The following CPZ variants were observed in gnomAD, a reference collection of about 807,000 sequenced individuals.
The protein encoded by CPZ is VEZT/CPZ fusion.
Under a neutral mutation model 61.8 loss-of-function variants are expected in CPZ, and 103 were observed. The ratio of observed to expected loss-of-function variants is 1.67; its 90% CI spans 1.42 to 1.96. The LOEUF (loss-of-function observed/expected upper bound fraction) is 1.96, where lower values mean the gene tolerates loss of function less well. CPZ is among the 30% of genes most tolerant of loss of function. The pLI is 0.00. For missense variants in CPZ, 1,461 were observed against 914.9 expected, an observed-to-expected ratio of 1.60 and a Z score of -7.70; for synonymous variants, 551 against 373.7, an observed-to-expected ratio of 1.47 and a Z score of -5.47.
At chr4:8,614,919 G>A (rs1229038729) in intron 9 of CPZ, among the ~76,000 whole-genome samples, 1 of 151,952 alleles carries the variant, frequency 6.6e-6, no homozygotes, top group African/African-American at 2.4e-5. Context: ...TCCCAGCAGA[G>A]GGGAGCATGC....
rs759353787 is a variant in CPZ at position 8,614,415 on chromosome 4, G to C, written c.1420G>C (p.Gly474Arg). 6.2e-7 allele frequency: 1 copy of C among 1,614,034 alleles called. No homozygotes were observed. The highest frequency in any genetic ancestry group is 1.1e-5 in the South Asian group (1 of 91,078). ...CTGCTTTGAGATCACGGTAGAGCTG[G>C]GCTGTGTGAAGTTCCCCCCCGAGGA... is the stretch of plus-strand genomic sequence containing the variant. ...TNCFEITVELGCVKFPPEEAL... is the reference protein window; with the variant it reads ...TNCFEITVELRCVKFPPEEAL... Residue 474 changes from glycine to arginine, a missense_variant, in exon 9 of 11, where the codon GGC becomes CGC. Physicochemically the swap from Gly to Arg is moderately radical, Grantham distance 125 (BLOSUM62 -2). Coordinates refer to ENST00000360986, the MANE Select transcript of CPZ (RefSeq NM_001014447.3).
intron 1 of CPZ, among the ~76,000 whole-genome samples, chr4:8,598,111 C>T (rs933136199): frequency 6.6e-6 from 1 of 152,234 alleles, no homozygotes; most frequent in African/African-American, 2.4e-5. Flanking sequence ...GTGTGGACCT[C>T]TTTTGTCATC....
chr4:8,605,634 T>TCCATTCACCC (rs1553876826), intron 4 of CPZ, among the ~76,000 whole-genome samples: 9 of 148,570 alleles, frequency 6.1e-5, no homozygotes, highest in African/African-American at 2.1e-4. Context: ...ATCATTGATA[T>TCCATTCACCC]ATCCATTCAT....
At position 8,601,390 on chromosome 4, in the gene CPZ, A is replaced by G. The variant is rs35993494; in HGVS notation, c.389A>G (p.Gln130Arg). 7.5e-6 allele frequency: 12 copies of G among 1,594,740 alleles called. No homozygotes were observed. The highest frequency in any genetic ancestry group is 1.0e-5 in the Non-Finnish European group (12 of 1,168,776). ...TGCGAGGGCCTGCGGGAGGTCTGCC[A>G]GCCCGCCTTCGACGCCATTGACATG... ...HICEGLREVCQPAFDAIDMAW... is the reference protein window; with the variant it reads ...HICEGLREVCRPAFDAIDMAW... Residue 130 changes from glutamine (Q) to arginine (R), a missense_variant, in exon 3 of 11, where the codon CAG becomes CGG. Gln to Arg is a conservative substitution (Grantham distance 43). Coordinates refer to ENST00000360986, the MANE Select transcript of CPZ (RefSeq NM_001014447.3).
chr4:8,609,091 TTCAC>T (rs796502472), intron 7 of CPZ, among the ~76,000 whole-genome samples: 8,021 of 39,180 alleles, frequency 0.2, 297 homozygotes, highest in South Asian at 0.41. Context: ...CATTCACCCA[TTCAC>T]TCACTCACTC....
At chr4:8,611,983 C>A (rs1715737709) in intron 7 of CPZ, 44 bp from the exon 8 acceptor site, 2 of 1,612,984 alleles carry the variant, frequency 1.2e-6, no homozygotes, top group Non-Finnish European at 1.7e-6. Context: ...ACAGGACGTC[C>A]TGCAGGGGAC....
At chr4:8,607,039 T>C (rs1416353300) in intron 6 of CPZ, 141 bp downstream of exon 6, 3 of 1,112,252 alleles carry the variant, frequency 2.7e-6, no homozygotes, top group African/African-American at 1.6e-5. Flanking sequence ...GTCTGTGAAA[T>C]GGGAACACCT....
chr4:8,612,234 G>A (rs13120023), intron 8 of CPZ, 72 bp downstream of exon 8: 221,775 of 271,994 alleles, frequency 0.82, 97,720 homozygotes, highest in East Asian at 0.96. Flanking sequence ...GGGGCAAGGC[G>A]TAACTCCACG....
At chr4:8,599,798 A>G (rs533760523) in intron 2 of CPZ, 50 of 417,692 alleles carry the variant, frequency 1.2e-4, no homozygotes, top group African/African-American at 7.3e-4. Flanking sequence ...GTCCACATGC[A>G]TTTCATGGTC....
chr4:8,600,671 C>T (rs1436936302), intron 2 of CPZ, among the ~76,000 whole-genome samples: 1 of 152,252 alleles, frequency 6.6e-6, no homozygotes, highest in Admixed American at 6.5e-5. Context: ...ATCCACTTCT[C>T]ATCCAAGTCC....
At chr4:8,596,784 G>C (rs1409031288) in intron 1 of CPZ, among the ~76,000 whole-genome samples, 1 of 152,232 alleles carries the variant, frequency 6.6e-6, no homozygotes, top group Non-Finnish European at 1.5e-5. Flanking sequence ...CGCCTGTCCA[G>C]TCCCTGTGTG....
At chr4:8,610,069 C>T (rs1715522879) in intron 7 of CPZ, among the ~76,000 whole-genome samples, 1 of 152,210 alleles carries the variant, frequency 6.6e-6, no homozygotes, top group Non-Finnish European at 1.5e-5. Flanking sequence ...CCCTTTCTGG[C>T]TTTGCCAACG....
intron 7 of CPZ, among the ~76,000 whole-genome samples, chr4:8,609,784 C>T (rs1285810082): frequency 6.6e-6 from 1 of 152,206 alleles, no homozygotes; most frequent in Non-Finnish European, 1.5e-5. Context: ...TCCAAGCCAT[C>T]AATCATCGGG....
intron 9 of CPZ, 140 bp downstream of exon 9, chr4:8,614,638 A>G: frequency 1.2e-6 from 1 of 863,966 alleles, no homozygotes; most frequent in Non-Finnish European, 1.7e-6. Context: ...TTTGGGGTTA[A>G]CTGTCCACCA....
At chr4:8,594,568 A>G (rs535894892) in intron 1 of CPZ, among the ~76,000 whole-genome samples, 1 of 152,216 alleles carries the variant, frequency 6.6e-6, no homozygotes, top group East Asian at 1.9e-4. Flanking sequence ...TCAGTTGAGG[A>G]GGGGGAGGAC....
In CPZ at chr4:8,619,698, C is replaced by T. The variant is rs532967239; in HGVS notation, c.*81C>T. The stretch of plus-strand genomic sequence containing the variant: ...GGCTCCTGGCTCTTGATTTTGTCTG[C>T]CACAGACATCCCACAAAGCCGCTGC... On this transcript the variant is annotated 3_prime_UTR_variant, in exon 11 of 11. Coordinates refer to ENST00000360986, the MANE Select transcript of CPZ (RefSeq NM_001014447.3). The T allele has an allele frequency of 4.7e-6, 5 of 1,057,756 alleles. No homozygotes were observed. Among genetic ancestry groups the T allele is most frequent in the East Asian group, 2.8e-5 (1 of 35,872 alleles). The allele number at this position is 1,057,756 out of a possible 1,614,324, so 65.5% of individuals were successfully genotyped here. A position where few individuals can be genotyped will look rare whatever the true frequency, so the allele number is the denominator to read the frequency against.
At chr4:8,594,777 T>C (rs1714055944) in intron 1 of CPZ, among the ~76,000 whole-genome samples, 1 of 142 alleles carries the variant, frequency 7.0e-3, no homozygotes, top group Non-Finnish European at 0.042. Flanking sequence ...AACAAATTCT[T>C]TTTTTTTTTT....
At chr4:8,614,733 T>G (rs1437917077) in intron 9 of CPZ, among the ~76,000 whole-genome samples, 3 of 152,104 alleles carry the variant, frequency 2.0e-5, no homozygotes, top group African/African-American at 7.2e-5. Flanking sequence ...GGAGTCCCTG[T>G]GAGCAAGGAT....
chr4:8,609,118 C>CTCACCACTCATACATTCACCCATTCA (rs879349279), intron 7 of CPZ, among the ~76,000 whole-genome samples: 1 of 77,390 alleles, frequency 1.3e-5, no homozygotes, highest in Non-Finnish European at 2.4e-5. Flanking sequence ...TTCCTCACTC[C>CTCACCACTCATACATTCACCCATTCA]CTCACTCATT....
Sources: gnomAD v4.1 joint callset for allele counts (sites outside exome capture counted in the v4.1 genomes callset) on GRCh38, gnomAD v4.1.1 for gene constraint, MANE v1.5 for transcripts, NCBI Gene and HGNC (gene_info 2026-07-23, HGNC 2026-07-21) for gene names.